Variants in RIPOR3 observed in about 807,000 individuals in gnomAD.
RIPOR3 encodes family with sequence similarity 65 member C.
Under a neutral mutation model 114.3 loss-of-function variants are expected in RIPOR3, and 95 were observed. The observed-to-expected ratio is 0.83, with a 90% CI of 0.70 to 0.99. The LOEUF is 0.99. RIPOR3 is among the 50% of genes least tolerant of loss of function. RIPOR3 has a pLI of 0.00. For synonymous variants in RIPOR3, 575 were observed against 543.8 expected (o/e 1.06, Z -0.80); for missense variants, 1,252 against 1,266.9 (o/e 0.99, Z 0.18).
At chr20:50,673,455 T>A (rs551703976) in intron 1 of RIPOR3, among the ~76,000 whole-genome samples, 2 of 152,248 alleles carry the variant, frequency 1.3e-5, no homozygotes, top group South Asian at 2.1e-4. Context: ...GGCTTTGTCC[T>A]TCAGGATCCT....
chr20:50,675,823 G>A (rs758006801), intron 1 of RIPOR3, among the ~76,000 whole-genome samples: 5 of 152,236 alleles, frequency 3.3e-5, no homozygotes, highest in Non-Finnish European at 7.3e-5. Flanking sequence ...CAGCTGTCCA[G>A]CAAATGTCTG....
chr20:50,592,568 GGC>G (rs2083147800), intron 18 of RIPOR3, 22 bp from the exon 19 acceptor site: 21 of 1,468,070 alleles, frequency 1.4e-5, no homozygotes, highest in Non-Finnish European at 1.7e-5. Context: ...GAAAGAGGTG[GGC>G]CCAGGTCCCC....
At chr20:50,681,534 T>G (rs1015789098) in intron 1 of RIPOR3, among the ~76,000 whole-genome samples, 3 of 152,194 alleles carry the variant, frequency 2.0e-5, no homozygotes, top group Admixed American at 1.3e-4. Flanking sequence ...CTGTGTAATT[T>G]CAGGCAAGTC....
chr20:50,677,043 A>T (rs1179298878), intron 1 of RIPOR3, among the ~76,000 whole-genome samples: 2 of 152,218 alleles, frequency 1.3e-5, no homozygotes, highest in African/African-American at 4.8e-5. Flanking sequence ...CACAGTGTAA[A>T]TGCAAAGCAA....
At position 50,610,017 on chromosome 20, in the gene RIPOR3, C is replaced by T. The variant is rs1266179260; in HGVS notation, c.427-295G>A. The stretch of plus-strand genomic sequence containing the variant: ...TCACCTGCCACCCCTGCCTCACCTG[C>T]CACCCCTGCCTCACCTGCCACCCCT... On this transcript the variant is annotated intron_variant, in intron 6 of 21. Transcript: ENST00000327979. Among the ~76,000 whole-genome samples, 477 of 130,760 alleles carry T rather than the reference C, an allele frequency of 3.6e-3. 8 individuals carry two copies. The highest frequency in any genetic ancestry group is 0.013 in the African/African-American group (455 of 35,066). The allele number at this position is 130,760 out of a possible 152,430, so 85.8% of individuals were successfully genotyped here. A position where few individuals can be genotyped will look rare whatever the true frequency, so the allele number is the denominator to read the frequency against.
intron 21 of RIPOR3, 99 bp downstream of exon 21, chr20:50,587,703 A>C: frequency 1.7e-6 from 2 of 1,173,342 alleles, no homozygotes; most frequent in Non-Finnish European, 2.5e-6. Context: ...CAGGTGCCCC[A>C]GAGTTGTTCT....
chr20:50,630,957 C>T (rs1209902556), intron 1 of RIPOR3, 101 bp from the exon 2 acceptor site: 4 of 907,266 alleles, frequency 4.4e-6, no homozygotes, highest in East Asian at 2.7e-5. Context: ...CTCACAATGG[C>T]CCCAGAGTGT....
intron 2 of RIPOR3, among the ~76,000 whole-genome samples, chr20:50,625,376 T>G (rs188320751): frequency 6.6e-6 from 1 of 152,186 alleles, no homozygotes; most frequent in East Asian, 1.9e-4. Flanking sequence ...CCGCCTGGCC[T>G]GCTCTTGGTG....
chr20:50,595,214 AAG>A (rs1165956062), intron 16 of RIPOR3, 153 bp downstream of exon 16: 3 of 950,494 alleles, frequency 3.2e-6, no homozygotes, highest in Non-Finnish European at 4.7e-6. Context: ...CCTCCCCACA[AAG>A]AGTGTGTATC....
intron 3 of RIPOR3, among the ~76,000 whole-genome samples, chr20:50,619,186 C>A (rs112485941): frequency 0.012 from 1,862 of 152,054 alleles, 36 homozygotes; most frequent in African/African-American, 0.039. Context: ...CAGTGGCTCA[C>A]GCTTGAACCC....
intron 1 of RIPOR3, among the ~76,000 whole-genome samples, chr20:50,680,983 G>C (rs908790768): frequency 6.6e-6 from 1 of 152,126 alleles, no homozygotes; most frequent in African/African-American, 2.4e-5. Context: ...CAGGACTTTG[G>C]GGGGCTAAGG....
In RIPOR3 at chr20:50,596,280, AC is replaced by A; in HGVS notation, c.1791-18del. Reference sequence around the variant, plus strand: ...CGGTCCTTTCTGAGTTGAATTGAGAACTGGGTGACCATTCCAGTTAGCAGTT... The same window carrying A: ...CGGTCCTTTCTGAGTTGAATTGAGAATGGGTGACCATTCCAGTTAGCAGTT... On this transcript the variant is annotated intron_variant, in intron 14 of 21. Transcript: ENST00000327979. 14 of 1,613,832 alleles carry A rather than the reference AC, an allele frequency of 8.7e-6. No homozygotes were observed. The highest frequency in any genetic ancestry group is 1.2e-5 in the Non-Finnish European group (14 of 1,179,930).
intron 5 of RIPOR3, 47 bp from the exon 6 acceptor site, chr20:50,610,953 C>G: frequency 6.2e-7 from 1 of 1,613,264 alleles, no homozygotes; most frequent in Non-Finnish European, 8.5e-7. Context: ...CCTGGGCCAC[C>G]CACCTGCCCC....
chr20:50,591,442 G>A (rs906523168), intron 19 of RIPOR3, among the ~76,000 whole-genome samples: 1 of 152,138 alleles, frequency 6.6e-6, no homozygotes, highest in African/African-American at 2.4e-5. Context: ...GGTTGGGCTT[G>A]GGTTATGGGT....
chr20:50,595,968 C>T (rs2083274991), intron 15 of RIPOR3, among the ~76,000 whole-genome samples, 172 bp downstream of exon 15: 1 of 152,204 alleles, frequency 6.6e-6, no homozygotes, highest in Non-Finnish European at 1.5e-5. Context: ...CGAGTATTCA[C>T]CCAGACCCTG....
intron 1 of RIPOR3, among the ~76,000 whole-genome samples, chr20:50,646,469 A>G (rs1359752109): frequency 6.6e-6 from 1 of 152,214 alleles, no homozygotes; most frequent in Non-Finnish European, 1.5e-5. Context: ...GTTAACCTAC[A>G]TCATGAGGAA....
In RIPOR3 at chr20:50,621,027, C is replaced by T. The variant is rs191697122; in HGVS notation, c.123-895G>A. 6.3e-4 allele frequency: 296 copies of T among 472,702 alleles called. 4 individuals carry two copies. Among genetic ancestry groups the T allele is most frequent in the African/African-American group, 4.1e-3 (202 of 49,066 alleles). 29.3% of individuals were successfully genotyped at this position (472,702 alleles called of 1,614,324 possible). On this transcript the variant is annotated intron_variant, in intron 2 of 21. Transcript: ENST00000327979. ...CACGCCAAGAGGAAGCAGGAGGAGC[C>T]GAGCCAATGTCCTGGCCGCCATGAG... is the stretch of plus-strand genomic sequence containing the variant.
intron 13 of RIPOR3, among the ~76,000 whole-genome samples, chr20:50,601,528 ACAT>A (rs1239179594): frequency 6.6e-6 from 1 of 152,252 alleles, no homozygotes; most frequent in African/African-American, 2.4e-5. Context: ...CTAGTGGTAT[ACAT>A]TTTTTTGATG....
At position 50,610,469 on chromosome 20, in the gene RIPOR3, C is replaced by T. The variant is rs191380704; in HGVS notation, c.426+384G>A. On this transcript the variant is annotated intron_variant, in intron 6 of 21. Transcript: ENST00000327979. Reference sequence around the variant, plus strand: ...TTTGCAGACTCTAAAGCTTACAGATCTGCTATGCGACCTTGGGCCAACCCA... The same window carrying T: ...TTTGCAGACTCTAAAGCTTACAGATTTGCTATGCGACCTTGGGCCAACCCA... Among the ~76,000 whole-genome samples the T allele has an allele frequency of 2.7e-3, 410 of 152,316 alleles. 2 individuals are homozygous for T. The highest frequency in any genetic ancestry group is 3.4e-3 in the Non-Finnish European group (230 of 68,030).
Sources: gnomAD v4.1 joint callset for allele counts (sites outside exome capture counted in the v4.1 genomes callset) on GRCh38, gnomAD v4.1.1 for gene constraint, MANE v1.5 for transcripts, NCBI Gene and HGNC (gene_info 2026-07-23, HGNC 2026-07-21) for gene names.